Variants in BCAS3 observed in about 807,000 individuals in gnomAD.
BCAS3 encodes BCAS4/BCAS3 fusion.
In BCAS3, 53 loss-of-function variants were observed where a neutral mutation model predicts 116.1. The ratio of observed to expected loss-of-function variants is 0.46; its 90% CI spans 0.37 to 0.57. The LOEUF is 0.57. BCAS3 is among the 20% of genes least tolerant of loss of function. The pLI is 0.00. For synonymous variants in BCAS3, 391 were observed against 408.2 expected, an observed-to-expected ratio of 0.96 and a Z score of 0.51; for missense variants, 917 against 1,165.4, an observed-to-expected ratio of 0.79 and a Z score of 3.10.
intron 22 of BCAS3, among the ~76,000 whole-genome samples, chr17:61,133,876 A>AAT (rs1201572306): frequency 6.6e-6 from 1 of 151,300 alleles, no homozygotes; most frequent in Non-Finnish European, 1.5e-5. Flanking sequence ...AAAAAAAAAA[A>AAT]AAAAAAGGAA....
At chr17:61,374,552 G>C (rs537435598) in intron 23 of BCAS3, among the ~76,000 whole-genome samples, 1 of 152,122 alleles carries the variant, frequency 6.6e-6, no homozygotes, top group South Asian at 2.1e-4. Flanking sequence ...TCCTTCCTGC[G>C]GCCCCGGGCT....
chr17:61,303,852 C>G (rs1214785988), intron 22 of BCAS3, among the ~76,000 whole-genome samples: 1 of 152,186 alleles, frequency 6.6e-6, no homozygotes, highest in Non-Finnish European at 1.5e-5. Flanking sequence ...ACCCCAGCAC[C>G]AAGTCTTGTG....
At chr17:61,091,432 G>C (rs1303231947) in intron 22 of BCAS3, among the ~76,000 whole-genome samples, 2 of 152,244 alleles carry the variant, frequency 1.3e-5, no homozygotes, top group African/African-American at 4.8e-5. Context: ...ATTTGTTTAA[G>C]TCTGAACCGG....
chr17:61,193,948 C>G (rs1377225962), intron 22 of BCAS3, among the ~76,000 whole-genome samples: 1 of 151,172 alleles, frequency 6.6e-6, no homozygotes, highest in Non-Finnish European at 1.5e-5. Context: ...GAAACCCCGT[C>G]TATACTAAAA....
intron 7 of BCAS3, among the ~76,000 whole-genome samples, chr17:60,859,879 A>C (rs1335780663): frequency 1.3e-5 from 2 of 152,108 alleles, no homozygotes; most frequent in Non-Finnish European, 2.9e-5. Context: ...TATGTACGAC[A>C]TTTTTAAAAT....
chr17:61,225,513 T>G (rs1222069695), intron 22 of BCAS3, among the ~76,000 whole-genome samples: 1 of 152,180 alleles, frequency 6.6e-6, no homozygotes, highest in Non-Finnish European at 1.5e-5. Context: ...CACAAAATCA[T>G]AAGGCCTTTT....
intron 6 of BCAS3, among the ~76,000 whole-genome samples, chr17:60,794,802 A>G (rs1039674148): frequency 2.6e-5 from 4 of 152,196 alleles, no homozygotes; most frequent in African/African-American, 9.6e-5. Flanking sequence ...TTTGGTGACT[A>G]TGGCCTTAGA....
At chr17:60,740,620 C>T (rs1193017007) in intron 5 of BCAS3, among the ~76,000 whole-genome samples, 1 of 151,956 alleles carries the variant, frequency 6.6e-6, no homozygotes, top group Non-Finnish European at 1.5e-5. Flanking sequence ...AACCATTCTA[C>T]AGTCCTGTGG....
rs1237835085 is a variant in BCAS3, at chr17:61,337,463, T to C, written c.2426-30864T>C. Among the ~76,000 whole-genome samples, 1 of 152,078 alleles carries C rather than the reference T, an allele frequency of 6.6e-6. No individual in the cohort carries two copies. The highest frequency in any genetic ancestry group is 1.5e-5 in the Non-Finnish European group (1 of 68,034). ...GCTTGCAGCCTCTAGGAGGAGACGC[T>C]TGGCTTTGCCCACAGCCCTCGGCCC... On this transcript the variant is annotated intron_variant, in intron 22 of 23. Transcript: ENST00000407086. This position sits in a 1 kb window ranked among gnomAD's most constrained non-coding sequence, Gnocchi z 4.8.
At chr17:61,287,089 A>T (rs1024813014) in intron 22 of BCAS3, among the ~76,000 whole-genome samples, 1 of 152,052 alleles carries the variant, frequency 6.6e-6, no homozygotes, top group African/African-American at 2.4e-5. Context: ...TCTACTAAAA[A>T]TACAAAAAAT....
rs932342941 is a variant in BCAS3, at chr17:61,239,535, A to G, written c.2426-128792A>G. Reference sequence around the variant, plus strand: ...TTTCTTTCTGACGTTAATCATTTGCATTTTATCAGTGGCTCCAAGATTAAT... The same window carrying G: ...TTTCTTTCTGACGTTAATCATTTGCGTTTTATCAGTGGCTCCAAGATTAAT... On this transcript the variant is annotated intron_variant, in intron 22 of 23. Coordinates refer to ENST00000407086, the MANE Select transcript of BCAS3 (RefSeq NM_017679.5). The surrounding 1 kb of genome is among the most constrained non-coding windows in gnomAD (Gnocchi z 4.2). Among the ~76,000 whole-genome samples, 1 of 152,154 alleles carries G rather than the reference A, an allele frequency of 6.6e-6. No homozygotes were observed. Among genetic ancestry groups the G allele is most frequent in the African/African-American group, 2.4e-5 (1 of 41,444 alleles).
intron 5 of BCAS3, among the ~76,000 whole-genome samples, chr17:60,739,903 C>T (rs1343476272): frequency 3.3e-5 from 5 of 149,666 alleles, no homozygotes; most frequent in Admixed American, 3.3e-4. Flanking sequence ...TTCCACACAA[C>T]ACTCTAAGTG....
intron 22 of BCAS3, among the ~76,000 whole-genome samples, chr17:61,110,628 T>G (rs1031895991): frequency 6.6e-6 from 1 of 151,930 alleles, no homozygotes; most frequent in Non-Finnish European, 1.5e-5. Flanking sequence ...AGCACAGCAG[T>G]CTGAGATCAA....
In BCAS3 at chr17:61,123,947, C is replaced by A. The variant is rs2075924776; in HGVS notation, c.2425+39383C>A. Among the ~76,000 whole-genome samples, 3 of 152,162 alleles carry A rather than the reference C, an allele frequency of 2.0e-5. No individual in the cohort carries two copies. The South Asian group carries it at 6.2e-4, about 32-fold the overall frequency. On this transcript the variant is annotated intron_variant, in intron 22 of 23. Coordinates refer to ENST00000407086, the MANE Select transcript of BCAS3 (RefSeq NM_017679.5). ...CATGTTTTGTGAATGAGTTTTGTTG[C>A]CATAGTCTCATGTGTCTAATCAAAT... is the stretch of plus-strand genomic sequence containing the variant.
Position 61,355,320 on chromosome 17 carries a change from G to A in BCAS3, c.2426-13007G>A, listed in dbSNP as rs2058083541. On this transcript the variant is annotated intron_variant, in intron 22 of 23. Transcript: ENST00000407086. This position sits in a 1 kb window ranked among gnomAD's most constrained non-coding sequence, Gnocchi z 4.2. ...TTCAGACTTCAAAGTTCTCAGTTGAGAGCCTCGTGTTTGACTTATTTGTGG... is the reference window on the plus strand; with the variant it reads ...TTCAGACTTCAAAGTTCTCAGTTGAAAGCCTCGTGTTTGACTTATTTGTGG... Among the ~76,000 whole-genome samples the A allele has an allele frequency of 6.6e-6, 1 of 152,154 alleles. No homozygotes were observed. Among genetic ancestry groups the A allele is most frequent in the Non-Finnish European group, 1.5e-5 (1 of 68,050 alleles).
intron 5 of BCAS3, among the ~76,000 whole-genome samples, chr17:60,709,991 AT>A (rs2037652961): frequency 6.6e-6 from 1 of 152,048 alleles, no homozygotes; most frequent in Non-Finnish European, 1.5e-5. Context: ...TGGGCTTATT[AT>A]TTTTAATTGA....
intron 13 of BCAS3, among the ~76,000 whole-genome samples, chr17:60,925,939 A>G (rs1358942070): frequency 1.3e-5 from 2 of 151,904 alleles, no homozygotes; most frequent in South Asian, 2.1e-4. Flanking sequence ...TATTTGTTTC[A>G]TGTATACCCT....
rs918056412 is a variant in BCAS3, at chr17:61,222,746, C to T, written c.2425+138182C>T. On this transcript the variant is annotated intron_variant, in intron 22 of 23. Coordinates refer to ENST00000407086, the MANE Select transcript of BCAS3 (RefSeq NM_017679.5). The surrounding 1 kb of genome is among the most constrained non-coding windows in gnomAD (Gnocchi z 6.1). Reference sequence around the variant, plus strand: ...GTCAAGGTGGGCCATGGCCACTCTGCGACTCCAGGTCGATTCGTCTGCCTG... The same window carrying T: ...GTCAAGGTGGGCCATGGCCACTCTGTGACTCCAGGTCGATTCGTCTGCCTG... 1.8e-4 allele frequency among the ~76,000 whole-genome samples: 27 copies of T among 152,268 alleles called. No individual in the cohort carries two copies. Among genetic ancestry groups the T allele is most frequent in the African/African-American group, 5.1e-4 (21 of 41,556 alleles).
At chr17:61,078,842 C>G (rs2072276248) in intron 21 of BCAS3, among the ~76,000 whole-genome samples, 1 of 152,116 alleles carries the variant, frequency 6.6e-6, no homozygotes, top group Admixed American at 6.6e-5. Context: ...ATTATGTATT[C>G]TTTTCCTGAT....
Sources: gnomAD v4.1 joint callset for allele counts (sites outside exome capture counted in the v4.1 genomes callset) on GRCh38, gnomAD v4.1.1 for gene constraint, Gnocchi (gnomAD v3.1) non-coding constraint, MANE v1.5 for transcripts, NCBI Gene and HGNC (gene_info 2026-07-23, HGNC 2026-07-21) for gene names.